The following CADPS variants were observed in gnomAD, a reference collection of about 807,000 sequenced individuals.
CADPS encodes calcium-dependent secretion activator 1.
Under a neutral mutation model 167.3 loss-of-function variants are expected in CADPS, and 57 were observed. The ratio of observed to expected loss-of-function variants is 0.34; its 90% CI spans 0.28 to 0.42. The LOEUF (loss-of-function observed/expected upper bound fraction) is 0.42, where lower values mean the gene tolerates loss of function less well. Ranked by LOEUF, CADPS falls within the 20% of genes least tolerant of loss-of-function variation. The probability of loss-of-function intolerance (pLI) is 1.00; values close to 1 mark genes in which losing one functional copy is unlikely to be tolerated. For synonymous variants in CADPS, 676 were observed against 635.3 expected, an observed-to-expected ratio of 1.06 and a Z score of -0.96; for missense variants, 1,414 against 1,738.1, an observed-to-expected ratio of 0.81 and a Z score of 3.32.
intron 1 of CADPS, among the ~76,000 whole-genome samples, chr3:62,791,544 T>C (rs1576459169): frequency 6.6e-6 from 1 of 152,210 alleles, no homozygotes; most frequent in African/African-American, 2.4e-5. Flanking sequence ...GGTTGATTCA[T>C]ATGAAAACTC....
chr3:62,844,030 C>T (rs1186445140), intron 1 of CADPS, among the ~76,000 whole-genome samples: 1 of 152,128 alleles, frequency 6.6e-6, no homozygotes, highest in Non-Finnish European at 1.5e-5. Context: ...ATCCAAATTG[C>T]ATAATCCAGA....
intron 3 of CADPS, among the ~76,000 whole-genome samples, chr3:62,691,125 C>T (rs1190657190): frequency 1.3e-5 from 2 of 151,910 alleles, no homozygotes; most frequent in South Asian, 2.1e-4. Flanking sequence ...GGAAAGTGCA[C>T]CTATGGAGAC....
chr3:62,777,962 A>G (rs1432406238), intron 1 of CADPS, among the ~76,000 whole-genome samples: 1 of 152,166 alleles, frequency 6.6e-6, no homozygotes, highest in Non-Finnish European at 1.5e-5. Context: ...GGTTTCAGAG[A>G]CTTTTCTCCA....
chr3:62,454,815 G>A (rs937652217), intron 26 of CADPS, among the ~76,000 whole-genome samples: 5 of 152,026 alleles, frequency 3.3e-5, no homozygotes, highest in South Asian at 2.1e-4. Flanking sequence ...TTGATTGTAC[G>A]GCTTCTGTGC....
chr3:62,652,399 CAAAAAA>C (rs57075270), intron 4 of CADPS, among the ~76,000 whole-genome samples: 53 of 120,240 alleles, frequency 4.4e-4, no homozygotes, highest in African/African-American at 1.4e-3. Flanking sequence ...TCTGTGTGGC[CAAAAAA>C]AAAAAAAAAA....
intron 1 of CADPS, among the ~76,000 whole-genome samples, chr3:62,828,489 T>C: frequency 6.6e-6 from 1 of 152,186 alleles, no homozygotes; most frequent in East Asian, 1.9e-4. Flanking sequence ...CATAACGGCT[T>C]GAAAAAGAAA....
chr3:62,718,872 G>A (rs1013602318), intron 3 of CADPS, among the ~76,000 whole-genome samples: 2 of 152,176 alleles, frequency 1.3e-5, no homozygotes, highest in Non-Finnish European at 2.9e-5. Flanking sequence ...AAACAGAGAG[G>A]GACACATTTG....
intron 1 of CADPS, among the ~76,000 whole-genome samples, chr3:62,846,137 T>G (rs1444466771): frequency 2.0e-5 from 3 of 152,094 alleles, no homozygotes; most frequent in African/African-American, 7.2e-5. Context: ...ACCATGATTG[T>G]AAGTTTCCTG....
At position 62,605,250 on chromosome 3, in the gene CADPS, C is replaced by CAA. The variant is rs34366222; in HGVS notation, c.1326-12504_1326-12503dup. 4.8e-3 allele frequency among the ~76,000 whole-genome samples: 207 copies of CAA among 43,036 alleles called. 2 individuals carry two copies. Among genetic ancestry groups the CAA allele is most frequent in the African/African-American group, 0.01 (84 of 8,074 alleles). 28.2% of individuals were successfully genotyped at this position (43,036 alleles called of 152,430 possible). On this transcript the variant is annotated intron_variant, in intron 6 of 29. Coordinates refer to ENST00000383710, the MANE Select transcript of CADPS (RefSeq NM_003716.4). ...AACAGGAGCCAAATGAGGGGAAAAA[C>CAA]AAAAAAAAAAAAACTGGGAGAGACA... is the stretch of plus-strand genomic sequence containing the variant.
At chr3:62,809,253 T>C (rs1358968930) in intron 1 of CADPS, among the ~76,000 whole-genome samples, 1 of 152,204 alleles carries the variant, frequency 6.6e-6, no homozygotes, top group Non-Finnish European at 1.5e-5. Context: ...TCCTCCTGCC[T>C]GAAACTTCCA....
intron 3 of CADPS, among the ~76,000 whole-genome samples, chr3:62,685,689 GTGGGGGGATTGGT>G (rs1563825306): frequency 5.2e-5 from 6 of 115,744 alleles, no homozygotes; most frequent in African/African-American, 1.3e-4. Flanking sequence ...CATCGGGGGG[GTGGGGGGATTGGT>G]TGGGGGGATG....
intron 3 of CADPS, among the ~76,000 whole-genome samples, chr3:62,666,511 G>GCAA (rs371064970): frequency 6.6e-6 from 1 of 152,302 alleles, no homozygotes; most frequent in African/African-American, 2.4e-5. Context: ...CAAGCCAAGG[G>GCAA]CAAGCCTTTC....
At chr3:62,757,449 G>A (rs557913681) in intron 2 of CADPS, among the ~76,000 whole-genome samples, 1 of 152,096 alleles carries the variant, frequency 6.6e-6, no homozygotes, top group Non-Finnish European at 1.5e-5. Context: ...TGTAGCTGGT[G>A]CTCAGTAAAT....
At chr3:62,782,308 G>A (rs78149527) in intron 1 of CADPS, among the ~76,000 whole-genome samples, 2,772 of 152,180 alleles carry the variant, frequency 0.018, 35 homozygotes, top group East Asian at 0.052. Flanking sequence ...GCCAGCCAGC[G>A]AGCCACTCAT....
rs199602219 is a variant in CADPS, at chr3:62,753,759, G to A, written c.570C>T (p.Ser190=). Residue 190 remains serine, a synonymous_variant, in exon 3 of 30, where the codon AGC becomes AGT. Coordinates refer to ENST00000383710, the MANE Select transcript of CADPS (RefSeq NM_003716.4). The surrounding 1 kb of genome is among the most constrained non-coding windows in gnomAD (Gnocchi z 4.6). ...VQSYYEVFLK[S]DRVARMVQSG... is the part of the protein sequence containing the mutation. ...TCTGAACCATGCGGGCCACACGGTC[G>A]CTCTTCAGGAACACCTGAGCAAGAA... The A allele has an allele frequency of 5.8e-5, 94 of 1,612,130 alleles. No homozygotes were observed. In the Admixed American group the frequency reaches 1.0e-3, roughly 17 times the overall value.
intron 3 of CADPS, among the ~76,000 whole-genome samples, chr3:62,738,521 C>G (rs768749334): frequency 6.6e-6 from 1 of 152,022 alleles, no homozygotes; most frequent in Non-Finnish European, 1.5e-5. Flanking sequence ...GTCAGGAGAT[C>G]AAGATCAGCC....
rs183672059 is a variant in CADPS, at chr3:62,638,569, T to A, written c.1325+7153A>T. 4.1e-3 allele frequency among the ~76,000 whole-genome samples: 623 copies of A among 152,220 alleles called. 3 individuals are homozygous for A. The highest frequency in any genetic ancestry group is 0.014 in the African/African-American group (586 of 41,540). On this transcript the variant is annotated intron_variant, in intron 6 of 29. Coordinates refer to ENST00000383710, the MANE Select transcript of CADPS (RefSeq NM_003716.4). ...GTCACTTAGTCCTTAAGGGTTTTTTTAAAAAGAGTACAGCCTTGTTTCATA... is the reference window on the plus strand; with the variant it reads ...GTCACTTAGTCCTTAAGGGTTTTTTAAAAAAGAGTACAGCCTTGTTTCATA...
At chr3:62,526,511 G>A (rs938543516) in intron 13 of CADPS, among the ~76,000 whole-genome samples, 6 of 152,170 alleles carry the variant, frequency 3.9e-5, no homozygotes, top group South Asian at 2.1e-4. Context: ...CATCAGAGCT[G>A]TTTGATTGCC....
At chr3:62,512,150 C>T (rs563891859) in intron 17 of CADPS, among the ~76,000 whole-genome samples, 1 of 152,172 alleles carries the variant, frequency 6.6e-6, no homozygotes, top group Non-Finnish European at 1.5e-5. Flanking sequence ...AGTTTTAAGT[C>T]AGACTTCTCC....
Sources: allele counts gnomAD v4.1 joint callset (sites outside exome capture counted in the v4.1 genomes callset), GRCh38; gene constraint gnomAD v4.1.1; non-coding constraint Gnocchi (gnomAD v3.1); transcripts MANE v1.5; gene names NCBI Gene and HGNC (gene_info 2026-07-23, HGNC 2026-07-21).